ARV1: variants seen among roughly 807,000 people sequenced by gnomAD.
The protein encoded by ARV1 is protein ARV1.
ARV1 carries 26 observed loss-of-function variants against 31.1 expected under a neutral mutation model. The ratio of observed to expected loss-of-function variants is 0.84; its 90% confidence interval spans 0.61 to 1.16. The LOEUF (loss-of-function observed/expected upper bound fraction) is 1.16. Ranked by LOEUF, ARV1 falls within the 50% of genes most tolerant of loss-of-function variation. The pLI, the probability that ARV1 is intolerant of heterozygous loss-of-function variation, is 0.00. For missense variants in ARV1, 281 were observed against 324.9 expected, an observed-to-expected ratio of 0.86 and a Z score of 1.04; for synonymous variants, 117 against 123.2, an observed-to-expected ratio of 0.95 and a Z score of 0.34.
intron 1 of ARV1, among the ~76,000 whole-genome samples, chr1:230,983,001 T>C (rs1025534886): frequency 6.6e-6 from 1 of 152,104 alleles, no homozygotes; most frequent in Non-Finnish European, 1.5e-5. Flanking sequence ...TTCACTGCCA[T>C]TCCTCCCAGC....
chr1:230,999,418 G>T (rs375825805), intron 5 of ARV1, among the ~76,000 whole-genome samples: 1 of 152,136 alleles, frequency 6.6e-6, no homozygotes, highest in Non-Finnish European at 1.5e-5. Flanking sequence ...ATTCCTGGGG[G>T]CCTTCTCAAT....
chr1:230,991,915 A>G (rs1173943820), intron 3 of ARV1, among the ~76,000 whole-genome samples: 1 of 152,124 alleles, frequency 6.6e-6, no homozygotes, highest in African/African-American at 2.4e-5. Flanking sequence ...GGCATGAGCC[A>G]CTGCGCCCAG....
chr1:230,997,215 A>ATGGG lies in ARV1; in HGVS notation c.769_772dup (p.Asp258ValfsTer6). The ATGGG allele has an allele frequency of 6.2e-7, 1 of 1,613,998 alleles. No homozygotes were observed. Among genetic ancestry groups the ATGGG allele is most frequent in the South Asian group, 1.1e-5 (1 of 91,080 alleles). ...TGGTCTACTTCTTCCAGAGTATGGAATGGGATGTTGGAAGTGATTATGCCA... is the reference window on the plus strand; with the variant it reads ...TGGTCTACTTCTTCCAGAGTATGGAATGGGTGGGATGTTGGAAGTGATTATGCCA... On this transcript the variant is annotated frameshift_variant, in exon 5 of 6. Coordinates refer to ENST00000310256, the MANE Select transcript of ARV1 (RefSeq NM_022786.3). LOFTEE classifies it high-confidence loss of function.
At chr1:230,984,343 C>CGTGTGTGTGT (rs374689782) in intron 1 of ARV1, among the ~76,000 whole-genome samples, 5,372 of 119,064 alleles carry the variant, frequency 0.045, 179 homozygotes, top group Middle Eastern at 0.071. Flanking sequence ...TTGTTTGTTT[C>CGTGTGTGTGT]GTGTGTGTGT....
intron 3 of ARV1, among the ~76,000 whole-genome samples, chr1:230,990,882 T>C (rs1181087250): frequency 6.6e-6 from 1 of 152,202 alleles, no homozygotes; most frequent in Non-Finnish European, 1.5e-5. Context: ...ATAAAATTCT[T>C]AATGTTTAAG....
chr1:230,987,781 A>C (rs1049917647), intron 1 of ARV1, among the ~76,000 whole-genome samples: 5 of 152,092 alleles, frequency 3.3e-5, no homozygotes, highest in African/African-American at 1.2e-4. Context: ...GTTACCGGCC[A>C]CCTCAGGATC....
chr1:230,981,060 C>T (rs7414250), intron 1 of ARV1, among the ~76,000 whole-genome samples: 36,677 of 152,020 alleles, frequency 0.24, 4,704 homozygotes, highest in Non-Finnish European at 0.28. Flanking sequence ...ATGCTGTGTG[C>T]GCTTCCCAGG....
chr1:231,000,230 A>T lies in ARV1; in HGVS notation c.*97A>T, dbSNP rs1415817382. 6.6e-6 allele frequency: 1 copy of T among 152,256 alleles called. No individual in the cohort carries two copies. The highest frequency in any genetic ancestry group is 1.5e-5 in the Non-Finnish European group (1 of 68,040). The allele number at this position is 152,256 out of a possible 1,614,324, so 9.4% of individuals were successfully genotyped here. A position where few individuals can be genotyped will look rare whatever the true frequency, so the allele number is the denominator to read the frequency against. On this transcript the variant is annotated 3_prime_UTR_variant, in exon 6 of 6. Coordinates refer to ENST00000310256, the MANE Select transcript of ARV1 (RefSeq NM_022786.3). ...ACCAACCTCCTCATTTCTGTTGAGT[A>T]AAATGAAGCAAAGATTGGAAACACT...
At chr1:230,979,326 G>C (rs375847427) in intron 1 of ARV1, 47 bp downstream of exon 1, 26 of 1,604,680 alleles carry the variant, frequency 1.6e-5, no homozygotes, top group Middle Eastern at 1.7e-4. Flanking sequence ...ATGGCGCGGC[G>C]GGATTTGGGG....
chr1:230,992,446 C>A (rs1679255798), intron 3 of ARV1, among the ~76,000 whole-genome samples: 1 of 152,204 alleles, frequency 6.6e-6, no homozygotes, highest in Admixed American at 6.5e-5. Context: ...ATCTCCTGTT[C>A]CGGCTCTACT....
intron 1 of ARV1, among the ~76,000 whole-genome samples, chr1:230,985,157 G>T (rs1679030391): frequency 6.6e-6 from 1 of 150,886 alleles, no homozygotes; most frequent in Non-Finnish European, 1.5e-5. Context: ...GTTTCAAACT[G>T]ACTGAGAGGG....
chr1:230,986,666 CTATTTTT>C (rs1679080476), intron 1 of ARV1, among the ~76,000 whole-genome samples: 15 of 79,742 alleles, frequency 1.9e-4, no homozygotes, highest in African/African-American at 6.5e-4. Flanking sequence ...AATACTTTTC[CTATTTTT>C]TTTTTTTTTT....
intron 1 of ARV1, among the ~76,000 whole-genome samples, chr1:230,986,652 A>ATGTAATAC (rs1679078554): frequency 7.3e-6 from 1 of 137,672 alleles, no homozygotes; most frequent in African/African-American, 2.7e-5. Context: ...CCACCCACAA[A>ATGTAATAC]TGTAATACTT....
At position 230,990,169 on chromosome 1, in the gene ARV1, G is replaced by C. The variant is rs777737376; in HGVS notation, c.354G>C (p.Gln118His). 1.0e-4 allele frequency: 165 copies of C among 1,613,058 alleles called. No individual in the cohort carries two copies. Among genetic ancestry groups the C allele is most frequent in the Non-Finnish European group, 1.4e-4 (160 of 1,179,808 alleles). The change falls in exon 3 of 6, where the codon CAG becomes CAC. Residue 118 changes from glutamine (Q) to histidine (H), a missense_variant. Physicochemically the swap from Gln to His is conservative, Grantham distance 24. Transcript: ENST00000310256. Reference protein sequence around the residue: ...LLCEAYLRWWQLQDSNQNTAP... With the variant: ...LLCEAYLRWWHLQDSNQNTAP... ...GTGAAGCATACCTGAGGTGGTGGCA[G>C]CTTCAAGATTCCAACCAGAATACTG... is the stretch of plus-strand genomic sequence containing the variant.
chr1:230,999,092 T>C (rs1423059977), intron 5 of ARV1, among the ~76,000 whole-genome samples: 2 of 152,148 alleles, frequency 1.3e-5, no homozygotes, highest in East Asian at 3.9e-4. Flanking sequence ...TCCTCAGCCC[T>C]CTTCCTTCCC....
In ARV1 at chr1:230,990,205, C is replaced by T. The variant is rs1317242875; in HGVS notation, c.390C>T (p.Asp130=). Residue 130 remains aspartate, a synonymous_variant, in exon 3 of 6, where the codon GAC becomes GAT. Transcript: ENST00000310256. ...CCAACCAGAATACTGCCCCTGATGA[C>T]TTGATCAGATATGCTAAGGAATGGG... ...QDSNQNTAPD[D]LIRYAKEWDF... is the part of the protein sequence containing the mutation. The T allele has an allele frequency of 1.9e-6, 3 of 1,613,190 alleles. No individual in the cohort carries two copies. Among genetic ancestry groups the T allele is most frequent in the South Asian group, 2.2e-5 (2 of 90,860 alleles).
At chr1:230,981,071 A>G (rs536591704) in intron 1 of ARV1, among the ~76,000 whole-genome samples, 1 of 152,174 alleles carries the variant, frequency 6.6e-6, no homozygotes, top group South Asian at 2.1e-4. Flanking sequence ...GCTTCCCAGG[A>G]TTCAGTGCTC....
rs907273357 is a variant in ARV1, at chr1:230,983,231, G to A, written c.174+3952G>A. ...AGTTCAAGACCAGCCTGACCAACAC[G>A]GTGAAACCCCATCTCTCTAAAAATA... On this transcript the variant is annotated intron_variant, in intron 1 of 5. Coordinates refer to ENST00000310256, the MANE Select transcript of ARV1 (RefSeq NM_022786.3). 9.9e-5 allele frequency among the ~76,000 whole-genome samples: 15 copies of A among 151,938 alleles called. No homozygotes were observed. In the East Asian group the frequency reaches 1.2e-3, roughly 12 times the overall value.
chr1:230,988,628 A>C (rs1325699759), intron 2 of ARV1, among the ~76,000 whole-genome samples, 189 bp downstream of exon 2: 1 of 152,210 alleles, frequency 6.6e-6, no homozygotes. Context: ...TGAAAGGTGC[A>C]CAATGCTTAG....
Sources: gnomAD v4.1 joint callset for allele counts (sites outside exome capture counted in the v4.1 genomes callset) on GRCh38, gnomAD v4.1.1 for gene constraint, MANE v1.5 for transcripts, NCBI Gene and HGNC (gene_info 2026-07-23, HGNC 2026-07-21) for gene names.